The following ADGRL2 variants were observed in gnomAD, a reference collection of about 807,000 sequenced individuals.
ADGRL2 encodes adhesion G protein-coupled receptor L2.
ADGRL2 carries 44 observed loss-of-function variants against 157.4 expected under a neutral mutation model. The observed-to-expected ratio is 0.28, with a 90% CI of 0.22 to 0.36. The LOEUF (loss-of-function observed/expected upper bound fraction) is 0.36, where lower values mean the gene tolerates loss of function less well. ADGRL2 is among the 10% of genes least tolerant of loss of function. ADGRL2 has a pLI of 1.00. For synonymous variants in ADGRL2, 585 were observed against 624.7 expected, an observed-to-expected ratio of 0.94 and a Z score of 0.95; for missense variants, 1,510 against 1,768.9, an observed-to-expected ratio of 0.85 and a Z score of 2.63.
chr1:81,309,252 C>T (rs930410401), intron 1 of ADGRL2, among the ~76,000 whole-genome samples: 1 of 152,084 alleles, frequency 6.6e-6, no homozygotes, highest in African/African-American at 2.4e-5. Context: ...GAAGTTATTG[C>T]TGCATATGGA....
chr1:81,528,306 TG>T (rs2079513982), intron 2 of ADGRL2, among the ~76,000 whole-genome samples: 1 of 152,112 alleles, frequency 6.6e-6, no homozygotes, highest in Non-Finnish European at 1.5e-5. Flanking sequence ...AGTGATCCCA[TG>T]AGTGCTATAG....
At chr1:81,984,876 A>C (rs1196806784) in intron 20 of ADGRL2, among the ~76,000 whole-genome samples, 165 bp downstream of exon 20, 1 of 152,032 alleles carries the variant, frequency 6.6e-6, no homozygotes, top group Non-Finnish European at 1.5e-5. Context: ...ACATTTCTTC[A>C]GTGTTTCTTT....
At chr1:81,403,114 A>G in intron 1 of ADGRL2, among the ~76,000 whole-genome samples, 1 of 152,218 alleles carries the variant, frequency 6.6e-6, no homozygotes, top group East Asian at 1.9e-4. Context: ...ATCTACTCAG[A>G]CAAATCTTGG....
intron 2 of ADGRL2, among the ~76,000 whole-genome samples, chr1:81,563,533 G>A (rs1424213754): frequency 6.7e-6 from 1 of 148,150 alleles, no homozygotes; most frequent in Non-Finnish European, 1.5e-5. Flanking sequence ...AATATGGCCT[G>A]TATGATGTAG....
At chr1:81,616,941 G>A (rs2081667459) in intron 3 of ADGRL2, among the ~76,000 whole-genome samples, 1 of 152,188 alleles carries the variant, frequency 6.6e-6, no homozygotes, top group African/African-American at 2.4e-5. Context: ...GCCTCCCAAA[G>A]TGCTGGGATT....
At chr1:81,528,758 T>C (rs949437503) in intron 2 of ADGRL2, among the ~76,000 whole-genome samples, 2 of 150,514 alleles carry the variant, frequency 1.3e-5, no homozygotes, top group Non-Finnish European at 2.9e-5. Flanking sequence ...TCAATAAACA[T>C]CTATTGATTG....
intron 2 of ADGRL2, among the ~76,000 whole-genome samples, chr1:81,894,778 G>A (rs911141695): frequency 2.6e-5 from 4 of 151,816 alleles, no homozygotes; most frequent in Non-Finnish European, 2.9e-5. Context: ...CAGCAGAAAA[G>A]CATGTCTATT....
intron 2 of ADGRL2, among the ~76,000 whole-genome samples, chr1:81,501,232 T>C (rs773163582): frequency 2.6e-5 from 4 of 152,274 alleles, no homozygotes; most frequent in Non-Finnish European, 5.9e-5. Flanking sequence ...TTCACCTTTA[T>C]ACACAACATA....
At chr1:81,532,078 A>G (rs1490535444) in intron 2 of ADGRL2, among the ~76,000 whole-genome samples, 1 of 152,196 alleles carries the variant, frequency 6.6e-6, no homozygotes, top group East Asian at 1.9e-4. Flanking sequence ...TGGCTTTAAT[A>G]TACTATTTAA....
Position 81,968,022 on chromosome 1 carries a change from C to T in ADGRL2, c.2350-4C>T. On this transcript the variant is annotated splice_polypyrimidine_tract_variant and splice_region_variant and intron_variant, in intron 13 of 23. Transcript: ENST00000686636. ...TAATTTTATCTTGTCATTTTATTTC[C>T]CAGCCTGACAATTATTTCAATGCAA... The T allele has an allele frequency of 3.1e-6, 5 of 1,611,376 alleles. No individual in the cohort carries two copies. The highest frequency in any genetic ancestry group is 4.2e-6 in the Non-Finnish European group (5 of 1,178,070).
chr1:81,930,732 C>T (rs560417311), intron 3 of ADGRL2, among the ~76,000 whole-genome samples: 1 of 152,186 alleles, frequency 6.6e-6, no homozygotes, highest in Admixed American at 6.5e-5. Flanking sequence ...TCAGCTTTTA[C>T]AGATGCATAT....
intron 1 of ADGRL2, among the ~76,000 whole-genome samples, chr1:81,340,589 A>G (rs1391380929): frequency 3.3e-5 from 5 of 152,188 alleles, no homozygotes; most frequent in Non-Finnish European, 1.5e-5. Context: ...TCTGACACTC[A>G]TTTATGATTA....
intron 1 of ADGRL2, among the ~76,000 whole-genome samples, chr1:81,754,559 CTT>C (rs1571083284): frequency 9.6e-6 from 1 of 104,272 alleles, no homozygotes; most frequent in African/African-American, 3.1e-5. Context: ...TTCTTTCTCT[CTT>C]TCTTTCTTTC....
intron 1 of ADGRL2, among the ~76,000 whole-genome samples, chr1:81,322,838 A>G (rs1660621715): frequency 6.6e-6 from 1 of 152,024 alleles, no homozygotes; most frequent in Admixed American, 6.6e-5. Context: ...ATGGATCACT[A>G]TGGATATCTT....
At chr1:81,798,515 C>T (rs1471797026), upstream of ADGRL2, among the ~76,000 whole-genome samples, 1 of 151,824 alleles carries the variant, frequency 6.6e-6, no homozygotes, top group Non-Finnish European at 1.5e-5. Context: ...ACTCTTTGAA[C>T]TCTATAGAAT....
intron 11 of ADGRL2, among the ~76,000 whole-genome samples, chr1:81,965,236 T>C (rs1656695790): frequency 6.6e-6 from 1 of 152,188 alleles, no homozygotes; most frequent in Admixed American, 6.5e-5. Flanking sequence ...TTTTAGGCTT[T>C]GCAAGCCATG....
rs192443892 is a variant in ADGRL2 at position 81,993,819 on chromosome 1, G to C, written c.*2674G>C. On this transcript the variant is annotated 3_prime_UTR_variant, in exon 24 of 24. Coordinates refer to ENST00000686636, the MANE Select transcript of ADGRL2 (RefSeq NM_001366006.2). ...CACATTCTTGATTGTTTCTCTTTGT[G>C]ATAGTCACAACTGTGAACTTATAAA... Among the ~76,000 whole-genome samples, 19 of 152,114 alleles carry C rather than the reference G, an allele frequency of 1.2e-4. No individual in the cohort carries two copies. Among genetic ancestry groups the C allele is most frequent in the Admixed American group, 1.2e-3 (19 of 15,280 alleles).
chr1:81,673,971 A>G (rs2082931710), intron 3 of ADGRL2, among the ~76,000 whole-genome samples: 1 of 152,194 alleles, frequency 6.6e-6, no homozygotes, highest in Non-Finnish European at 1.5e-5. Context: ...CCAAATCATC[A>G]TATTGACCTT....
chr1:81,487,433 T>C (rs1403572673), intron 2 of ADGRL2, among the ~76,000 whole-genome samples: 3 of 151,934 alleles, frequency 2.0e-5, no homozygotes, highest in South Asian at 2.1e-4. Flanking sequence ...TCACCTGAGG[T>C]TAGGAGTTCA....
Sources: allele counts gnomAD v4.1 joint callset (sites outside exome capture counted in the v4.1 genomes callset), GRCh38; gene constraint gnomAD v4.1.1; transcripts MANE v1.5; gene names NCBI Gene and HGNC (gene_info 2026-07-23, HGNC 2026-07-21).